Variants in BRWD1 observed in about 807,000 individuals in gnomAD.
BRWD1 encodes the protein bromodomain and WD repeat domain containing 1.
A neutral mutation model predicts 251.2 loss-of-function variants in BRWD1; 82 were observed. The observed-to-expected ratio is 0.33, with a 90% CI of 0.27 to 0.39. The LOEUF is 0.39. Among genes scored for constraint, BRWD1 ranks in the 10% least tolerant of loss-of-function variants. The pLI is 1.00. For synonymous variants in BRWD1, 918 were observed against 902.8 expected, an observed-to-expected ratio of 1.02 and a Z score of -0.30; for missense variants, 2,233 against 2,711.6, an observed-to-expected ratio of 0.82 and a Z score of 3.92.
rs1196088140 is a variant in BRWD1 at position 39,215,169 on chromosome 21, CA to C, written c.3785+67del. On this transcript the variant is annotated intron_variant, in intron 32 of 40. Transcript: ENST00000342449. ...AACAGGCATGAGCCACCACGCCCGGCAAAACTAGATGATTGTTAATAGCACA... is the reference window on the plus strand; with the variant it reads ...AACAGGCATGAGCCACCACGCCCGGCAAACTAGATGATTGTTAATAGCACA... The C allele has an allele frequency of 6.1e-5, 94 of 1,546,136 alleles. 1 individual carries two copies. In the African/African-American group the frequency reaches 1.2e-3, roughly 20 times the overall value.
In BRWD1 at chr21:39,293,875, C is replaced by G; in HGVS notation, c.767G>C (p.Cys256Ser). 1 of 1,614,180 alleles carries G rather than the reference C, an allele frequency of 6.2e-7. No individual in the cohort carries two copies. Among genetic ancestry groups the G allele is most frequent in the Non-Finnish European group, 8.5e-7 (1 of 1,180,030 alleles). The change falls in exon 8 of 41, where the codon TGC (cysteine) becomes TCC (serine). Residue 256 changes from cysteine (C) to serine (S), a missense_variant. Cys to Ser is a moderately radical substitution (Grantham distance 112). Transcript: ENST00000342449. ...GSCDKIIRVW[C>S]LRTCAPVAVL... ...AGCAACTGGGGCACAAGTTCTCAAG[C>G]ACCACACTCTAATAATTTTATCACA...
chr21:39,311,168 T>C, intron 4 of BRWD1, among the ~76,000 whole-genome samples: 1 of 147,702 alleles, frequency 6.8e-6, no homozygotes, highest in Middle Eastern at 3.5e-3. Flanking sequence ...TTTATATAAA[T>C]TTTTTTTTTA....
At chr21:39,271,386 G>A (rs183842036) in intron 13 of BRWD1, among the ~76,000 whole-genome samples, 188 of 149,976 alleles carry the variant, frequency 1.3e-3, no homozygotes, top group African/African-American at 4.2e-3. Context: ...AATAGAATAC[G>A]TTTTAAGAAA....
intron 8 of BRWD1, among the ~76,000 whole-genome samples, chr21:39,283,869 T>C (rs2035549631): frequency 6.6e-6 from 1 of 152,188 alleles, no homozygotes; most frequent in African/African-American, 2.4e-5. Flanking sequence ...GCTTTTTTTT[T>C]CTAAGATGGA....
chr21:39,288,567 C>T (rs7283652), intron 8 of BRWD1, among the ~76,000 whole-genome samples: 141,111 of 152,292 alleles, frequency 0.93, 65,722 homozygotes, highest in African/African-American at 0.97. Flanking sequence ...GGTTAGGGTA[C>T]CAAACCCCCC....
intron 8 of BRWD1, among the ~76,000 whole-genome samples, chr21:39,287,587 T>C (rs1212869673): frequency 6.6e-6 from 1 of 152,196 alleles, no homozygotes; most frequent in African/African-American, 2.4e-5. Context: ...CTGAAGGATA[T>C]GTAGTGATAC....
chr21:39,261,965 G>T (rs73359526), intron 17 of BRWD1, among the ~76,000 whole-genome samples: 3,529 of 152,160 alleles, frequency 0.023, 135 homozygotes, highest in African/African-American at 0.081. Flanking sequence ...AGATCAGCTG[G>T]AAGAACTGAC....
In BRWD1 at chr21:39,196,480, T is replaced by C. The variant is rs2031821854; in HGVS notation, c.6589A>G (p.Asn2197Asp). 1 of 1,613,178 alleles carries C rather than the reference T, an allele frequency of 6.2e-7. No individual in the cohort carries two copies. Among genetic ancestry groups the C allele is most frequent in the African/African-American group, 1.3e-5 (1 of 74,826 alleles). Residue 2197 changes from asparagine (N) to aspartate (D), a missense_variant, in exon 41 of 41, where the codon AAC becomes GAC. Asn to Asp is a conservative substitution (Grantham distance 23). Coordinates refer to ENST00000342449, the MANE Select transcript of BRWD1 (RefSeq NM_033656.4). ...VVRKGKTFTA[N>D]ISKTVRRQRQ... ...TGACGTCTCACAGTTTTAGATATGTTAGCTGTAAAAGTTTTACCTTTTCTA... is the reference window on the plus strand; with the variant it reads ...TGACGTCTCACAGTTTTAGATATGTCAGCTGTAAAAGTTTTACCTTTTCTA...
intron 17 of BRWD1, among the ~76,000 whole-genome samples, chr21:39,263,549 T>C (rs1235124981): frequency 6.6e-6 from 1 of 152,078 alleles, no homozygotes; most frequent in Non-Finnish European, 1.5e-5. Context: ...TAAAACTTAA[T>C]AAGCCTCATC....
intron 29 of BRWD1, among the ~76,000 whole-genome samples, chr21:39,223,428 A>G (rs1030321221): frequency 3.3e-5 from 5 of 152,222 alleles, no homozygotes; most frequent in African/African-American, 1.2e-4. Flanking sequence ...ATCAGTAAAA[A>G]CACATAAAGA....
Position 39,195,419 on chromosome 21 carries a change from T to C in BRWD1, c.*840A>G, listed in dbSNP as rs1181905095. 5.1e-6 allele frequency: 5 copies of C among 985,542 alleles called. No homozygotes were observed. Among genetic ancestry groups the C allele is most frequent in the South Asian group, 4.7e-5 (1 of 21,292 alleles). The allele number at this position is 985,542 out of a possible 1,614,324, so 61.0% of individuals were successfully genotyped here. ...TCCTCTATTTCACAGAGTAAGATTA[T>C]GGAAGAGCAAGATTTTGGTTAAATC... On this transcript the variant is annotated 3_prime_UTR_variant, in exon 41 of 41. Coordinates refer to ENST00000342449, the MANE Select transcript of BRWD1 (RefSeq NM_033656.4).
chr21:39,294,442 G>A (rs2035896340), intron 7 of BRWD1, among the ~76,000 whole-genome samples: 1 of 152,052 alleles, frequency 6.6e-6, no homozygotes, highest in Non-Finnish European at 1.5e-5. Flanking sequence ...CGGATCACAA[G>A]GTCAGGAGAT....
chr21:39,258,070 G>A (rs1379561156), intron 18 of BRWD1, among the ~76,000 whole-genome samples: 1 of 152,096 alleles, frequency 6.6e-6, no homozygotes, highest in African/African-American at 2.4e-5. Flanking sequence ...CTTCTACACT[G>A]TACTTTTAAG....
At chr21:39,315,694 A>T (rs1370943324), upstream of BRWD1, 3 of 152,038 alleles carry the variant, frequency 2.0e-5, no homozygotes, top group South Asian at 2.1e-4. Context: ...GTGCAACAGT[A>T]AGTTAACTCC....
chr21:39,259,663 T>C (rs933896334), intron 17 of BRWD1, among the ~76,000 whole-genome samples: 1 of 151,894 alleles, frequency 6.6e-6, no homozygotes, highest in African/African-American at 2.4e-5. Flanking sequence ...TCAAGACCAG[T>C]CTCTACTGAA....
intron 21 of BRWD1, among the ~76,000 whole-genome samples, chr21:39,243,595 C>T (rs956445546): frequency 6.6e-5 from 10 of 152,018 alleles, no homozygotes; most frequent in Non-Finnish European, 7.4e-5. Flanking sequence ...ACAGGTGTGT[C>T]ACCACACCCA....
Position 39,190,539 on chromosome 21 carries a change from C to T in BRWD1, c.*5720G>A. ...ACCCTCTAGGTGCAAGTTATAAGCTCCCTCAAGCAAGCCTTTTATCAGAAA... is the reference window on the plus strand; with the variant it reads ...ACCCTCTAGGTGCAAGTTATAAGCTTCCTCAAGCAAGCCTTTTATCAGAAA... On this transcript the variant is annotated 3_prime_UTR_variant, in exon 41 of 41. Transcript: ENST00000342449. The T allele has an allele frequency of 1.0e-6, 1 of 985,326 alleles. No individual in the cohort carries two copies. 61.0% of individuals were successfully genotyped at this position (985,326 alleles called of 1,614,324 possible). A position where few individuals can be genotyped will look rare whatever the true frequency, so the allele number is the denominator to read the frequency against.
chr21:39,200,092 A>T, intron 39 of BRWD1, 127 bp downstream of exon 39: 1 of 940,152 alleles, frequency 1.1e-6, no homozygotes, highest in Non-Finnish European at 1.5e-6. Flanking sequence ...TTTCCTTCCT[A>T]AATCTAAGGA....
Position 39,190,715 on chromosome 21 carries a change from TG to T in BRWD1, c.*5543del. ...CATCCCATAAACTGAAGTACCCCAA[TG>T]GCTGTAGAATAAAATGGTTTCTGTA... On this transcript the variant is annotated 3_prime_UTR_variant, in exon 41 of 41. Transcript: ENST00000342449. 1 of 985,376 alleles carries T rather than the reference TG, an allele frequency of 1.0e-6. No homozygotes were observed. Among genetic ancestry groups the T allele is most frequent in the South Asian group, 4.7e-5 (1 of 21,286 alleles). 61.0% of individuals were successfully genotyped at this position (985,376 alleles called of 1,614,324 possible).
Sources: allele counts gnomAD v4.1 joint callset (sites outside exome capture counted in the v4.1 genomes callset), GRCh38; gene constraint gnomAD v4.1.1; transcripts MANE v1.5; gene names NCBI Gene and HGNC (gene_info 2026-07-23, HGNC 2026-07-21).